The following MICAL3 variants were observed in gnomAD, a reference collection of about 807,000 sequenced individuals.
The protein encoded by MICAL3 is [F-actin]-monooxygenase MICAL3.
In MICAL3, 62 loss-of-function variants were observed where a neutral mutation model predicts 207.4. That is an observed-to-expected ratio of 0.30 (90% CI 0.24 to 0.37). MICAL3 has a LOEUF of 0.37. Ranked by LOEUF, MICAL3 falls within the 10% of genes least tolerant of loss-of-function variation. MICAL3 has a pLI of 1.00. For missense variants in MICAL3, 2,368 were observed against 2,635.6 expected, an observed-to-expected ratio of 0.90 and a Z score of 2.22; for synonymous variants, 1,077 against 1,069.3, an observed-to-expected ratio of 1.01 and a Z score of -0.14.
At chr22:17,794,748 G>A (rs544266824) in intron 29 of MICAL3, among the ~76,000 whole-genome samples, 30 of 152,284 alleles carry the variant, frequency 2.0e-4, no homozygotes, top group African/African-American at 6.7e-4. Context: ...AACGATGCTG[G>A]GAGGAGTGCT....
chr22:17,859,105 C>G (rs1926240667), intron 19 of MICAL3, among the ~76,000 whole-genome samples: 2 of 152,120 alleles, frequency 1.3e-5, no homozygotes, highest in African/African-American at 4.8e-5. Context: ...AGACACCGCC[C>G]AGACTCTCAG....
chr22:17,832,202 G>T, intron 20 of MICAL3, 95 bp from the exon 21 acceptor site: 1 of 1,438,010 alleles, frequency 7.0e-7, no homozygotes, highest in Non-Finnish European at 9.4e-7. Flanking sequence ...TGCATGTCAG[G>T]CAAAGCAGCT....
At chr22:17,979,565 G>T (rs1935811877) in intron 1 of MICAL3, among the ~76,000 whole-genome samples, 1 of 151,974 alleles carries the variant, frequency 6.6e-6, no homozygotes. Flanking sequence ...TGTAAACGTT[G>T]GTAAAAAGAA....
chr22:17,871,690 G>C, intron 17 of MICAL3, 147 bp downstream of exon 17: 2 of 669,744 alleles, frequency 3.0e-6, no homozygotes, highest in Non-Finnish European at 5.0e-6. Context: ...GAGTGATGGA[G>C]GGAGAGGGGC....
intron 17 of MICAL3, among the ~76,000 whole-genome samples, chr22:17,866,668 T>TAGA (rs796572705): frequency 9.6e-4 from 79 of 81,920 alleles, no homozygotes; most frequent in South Asian, 4.6e-3. Flanking sequence ...TAGAATAGAA[T>TAGA]ATAGAATAGA....
chr22:17,982,911 G>A (rs9605481), intron 1 of MICAL3, among the ~76,000 whole-genome samples: 32,853 of 151,924 alleles, frequency 0.22, 3,777 homozygotes, highest in Middle Eastern at 0.28. Flanking sequence ...CCTGGGTGGC[G>A]TTAGTCACAG....
intron 16 of MICAL3, among the ~76,000 whole-genome samples, chr22:17,878,336 C>T (rs945496912): frequency 1.3e-5 from 2 of 152,168 alleles, no homozygotes; most frequent in Non-Finnish European, 2.9e-5. Flanking sequence ...GGGAGAGCAG[C>T]CCCAGAAAGG....
chr22:17,795,905 TG>T (rs1555915228), intron 29 of MICAL3, among the ~76,000 whole-genome samples: 1 of 29,192 alleles, frequency 3.4e-5, no homozygotes, highest in Admixed American at 3.7e-4. Flanking sequence ...GGGGCGGGGG[TG>T]GGGGGTTTAT....
At chr22:17,864,458 G>C in intron 19 of MICAL3, 1 of 1,421,224 alleles carries the variant, frequency 7.0e-7, no homozygotes, top group Non-Finnish European at 9.2e-7. Flanking sequence ...GCTCCAGGCC[G>C]TCAGAGGAGC....
chr22:17,852,061 G>C lies in MICAL3; in HGVS notation c.2606-10044C>G, dbSNP rs563035065. 5.3e-5 allele frequency among the ~76,000 whole-genome samples: 8 copies of C among 152,256 alleles called. No individual in the cohort carries two copies. In the East Asian group the frequency reaches 1.5e-3, roughly 29 times the overall value. ...ACTCTCAGTCCGGAATGCATCCAAA[G>C]CCAGCTCTGATGTGACCCTCCTGTG... is the stretch of plus-strand genomic sequence containing the variant. On this transcript the variant is annotated intron_variant, in intron 19 of 31. Coordinates refer to ENST00000441493, the MANE Select transcript of MICAL3 (RefSeq NM_015241.3).
Position 17,901,960 on chromosome 22 carries a change from C to T in MICAL3, c.609G>A (p.Leu203=), listed in dbSNP as rs750079635. The T allele has an allele frequency of 5.0e-6, 8 of 1,613,256 alleles. No individual in the cohort carries two copies. The East Asian group carries it at 1.8e-4, about 36-fold the overall frequency. ...QENERIGWRA[L]VHPKTHPVSE... is the part of the protein sequence containing the mutation. ...ACACAGGATGAGTCTTGGGGTGCACCAGTGCCCGCCAGCCTATCCCTGTGA... is the reference window on the plus strand; with the variant it reads ...ACACAGGATGAGTCTTGGGGTGCACTAGTGCCCGCCAGCCTATCCCTGTGA... Residue 203 remains leucine, a synonymous_variant, in exon 5 of 32, where the codon CTG becomes CTA. Coordinates refer to ENST00000441493, the MANE Select transcript of MICAL3 (RefSeq NM_015241.3).
At chr22:17,970,235 GT>G (rs759898661) in intron 1 of MICAL3, among the ~76,000 whole-genome samples, 7 of 152,228 alleles carry the variant, frequency 4.6e-5, no homozygotes, top group Non-Finnish European at 7.3e-5. Context: ...CCCCGCCCAT[GT>G]TGTTGAATGG....
chr22:17,803,931 A>G, intron 29 of MICAL3: 5 of 696,368 alleles, frequency 7.2e-6, no homozygotes, highest in Non-Finnish European at 8.8e-6. Flanking sequence ...ATACCCAATC[A>G]ATGATATGAT....
chr22:17,867,926 C>T (rs1927316407), intron 17 of MICAL3, among the ~76,000 whole-genome samples: 1 of 152,130 alleles, frequency 6.6e-6, no homozygotes, highest in Admixed American at 6.5e-5. Context: ...AAGTGGAAAC[C>T]CAGATCTTAA....
intron 1 of MICAL3, among the ~76,000 whole-genome samples, chr22:17,957,577 C>T (rs1934678605): frequency 6.6e-6 from 1 of 151,656 alleles, no homozygotes; most frequent in Non-Finnish European, 1.5e-5. Flanking sequence ...TGGGCATGGT[C>T]GCGTGCGCCT....
chr22:17,820,131 A>G (rs994023956), intron 25 of MICAL3, among the ~76,000 whole-genome samples: 5 of 134,632 alleles, frequency 3.7e-5, no homozygotes, highest in Non-Finnish European at 7.9e-5. Flanking sequence ...CAAGAGACTG[A>G]GACCCTGTCT....
At chr22:17,864,463 A>G (rs996514964) in intron 19 of MICAL3, 2 of 1,422,808 alleles carry the variant, frequency 1.4e-6, no homozygotes, top group East Asian at 5.0e-5. Context: ...AGGCCGTCAG[A>G]GGAGCTTGGA....
In MICAL3 at chr22:17,843,707, A is replaced by G. The variant is rs376604153; in HGVS notation, c.2606-1690T>C. 1.2e-4 allele frequency among the ~76,000 whole-genome samples: 19 copies of G among 152,152 alleles called. 1 individual carries two copies. In the East Asian group the frequency reaches 1.3e-3, roughly 11 times the overall value. On this transcript the variant is annotated intron_variant, in intron 19 of 31. Coordinates refer to ENST00000441493, the MANE Select transcript of MICAL3 (RefSeq NM_015241.3). Reference sequence around the variant, plus strand: ...GCCCAGGAAACATGAGTGAAGCAGCAAGTCTGGTGTCCAGTAATATTTCCC... The same window carrying G: ...GCCCAGGAAACATGAGTGAAGCAGCGAGTCTGGTGTCCAGTAATATTTCCC...
chr22:17,860,490 G>A lies in MICAL3; in HGVS notation c.2605+4409C>T, dbSNP rs949190899. The stretch of plus-strand genomic sequence containing the variant: ...GCACCCCAAGCTGAATGGCTCGGGA[G>A]AAAAGTGAACCCCTTGGTGCCCTGC... On this transcript the variant is annotated intron_variant, in intron 19 of 31. Coordinates refer to ENST00000441493, the MANE Select transcript of MICAL3 (RefSeq NM_015241.3). The A allele has an allele frequency of 5.1e-6, 5 of 985,386 alleles. No individual in the cohort carries two copies. In the African/African-American group the frequency reaches 8.7e-5, roughly 17 times the overall value. The allele number at this position is 985,386 out of a possible 1,614,324, so 61.0% of individuals were successfully genotyped here.
Sources: allele counts gnomAD v4.1 joint callset (sites outside exome capture counted in the v4.1 genomes callset), GRCh38; gene constraint gnomAD v4.1.1; transcripts MANE v1.5; gene names NCBI Gene and HGNC (gene_info 2026-07-23, HGNC 2026-07-21).